ANO3: variants seen among roughly 807,000 people sequenced by gnomAD.
The protein encoded by ANO3 is anoctamin-3.
In ANO3, 99 loss-of-function variants were observed where a neutral mutation model predicts 144.8. That is an observed-to-expected ratio of 0.68 (90% confidence interval 0.58 to 0.81). The LOEUF is 0.81. Ranked by LOEUF, ANO3 falls within the 30% of genes least tolerant of loss-of-function variation. The probability of loss-of-function intolerance (pLI) is 0.00; values close to 1 mark genes in which losing one functional copy is unlikely to be tolerated. For missense variants in ANO3, 905 were observed against 1,202.2 expected, an observed-to-expected ratio of 0.75 and a Z score of 3.66; for synonymous variants, 414 against 392.6, an observed-to-expected ratio of 1.05 and a Z score of -0.64.
chr11:26,206,881 G>C (rs66613374), intron 1 of ANO3, among the ~76,000 whole-genome samples: 45,802 of 151,886 alleles, frequency 0.3, 7,602 homozygotes, highest in Non-Finnish European at 0.37. Flanking sequence ...AATAAGTCAA[G>C]TTAATAGGAA....
chr11:26,493,181 T>A (rs1860782940), intron 4 of ANO3, among the ~76,000 whole-genome samples: 1 of 152,200 alleles, frequency 6.6e-6, no homozygotes, highest in Admixed American at 6.5e-5. Flanking sequence ...TATATATGCC[T>A]CTTGTCCCTT....
chr11:26,349,551 G>GT (rs920113137), intron 1 of ANO3, among the ~76,000 whole-genome samples: 18 of 151,792 alleles, frequency 1.2e-4, no homozygotes, highest in African/African-American at 2.9e-4. Flanking sequence ...GTTTGTTTTT[G>GT]TTTTTTTGTT....
chr11:26,327,355 T>C (rs1388797253), upstream of ANO3, among the ~76,000 whole-genome samples: 2 of 152,194 alleles, frequency 1.3e-5, no homozygotes, highest in Non-Finnish European at 2.9e-5. Flanking sequence ...CATTAAGTGA[T>C]GTTATTCATG....
chr11:26,372,921 T>C (rs1053177947), intron 1 of ANO3, among the ~76,000 whole-genome samples: 10 of 152,090 alleles, frequency 6.6e-5, no homozygotes, highest in African/African-American at 2.4e-4. Flanking sequence ...AAAAGCAGTA[T>C]GTTTGTTATA....
chr11:26,639,094 C>T (rs1401848576), intron 20 of ANO3, 50 bp from the exon 21 acceptor site: 3 of 1,261,980 alleles, frequency 2.4e-6, no homozygotes, highest in Non-Finnish European at 3.5e-6. Context: ...CATGTCTGAG[C>T]CTACTGGGAA....
Position 26,598,404 on chromosome 11 carries a change from T to A in ANO3, c.1487T>A (p.Ile496Lys). 6.3e-7 allele frequency: 1 copy of A among 1,589,874 alleles called. No homozygotes were observed. Among genetic ancestry groups the A allele is most frequent in the Non-Finnish European group, 8.6e-7 (1 of 1,169,350 alleles). ...FLEFWKRRRS[I>K]LTYTWDLIEW... is the part of the protein sequence containing the mutation. ...GAGTTTTGGAAAAGGAGAAGGAGTA[T>A]ACTGACCTATACTTGGGACCTTATC... The change falls in exon 15 of 27, where the codon ATA becomes AAA. Residue 496 changes from isoleucine to lysine, a missense_variant. Physicochemically the swap from Ile to Lys is moderately radical, Grantham distance 102 (BLOSUM62 -3). Around this residue, in one of 4 missense-constraint regions of ANO3, gnomAD observed 597 missense variants for 865.1 expected, o/e 0.69. Transcript: ENST00000256737.
At chr11:26,408,530 C>G (rs1324617542) in intron 1 of ANO3, among the ~76,000 whole-genome samples, 4 of 148,058 alleles carry the variant, frequency 2.7e-5, no homozygotes, top group Admixed American at 2.0e-4. Context: ...GTTGGTGGGA[C>G]TGTAAACTAG....
At chr11:26,583,149 G>A (rs964788325) in intron 14 of ANO3, among the ~76,000 whole-genome samples, 1 of 152,146 alleles carries the variant, frequency 6.6e-6, no homozygotes, top group African/African-American at 2.4e-5. Context: ...CTGCTTCCAA[G>A]TTAAGAGTCT....
At chr11:26,435,206 C>G (rs943287223) in intron 1 of ANO3, among the ~76,000 whole-genome samples, 2 of 152,050 alleles carry the variant, frequency 1.3e-5, no homozygotes, top group Non-Finnish European at 2.9e-5. Context: ...ATATGAAATG[C>G]TTGGTTGAAG....
chr11:26,367,002 G>A (rs1185166617), intron 1 of ANO3, among the ~76,000 whole-genome samples: 1 of 152,082 alleles, frequency 6.6e-6, no homozygotes, highest in Non-Finnish European at 1.5e-5. Context: ...AACAAGAAAT[G>A]GGGAAAGGAT....
At chr11:26,636,320 A>G (rs1852956388) in intron 20 of ANO3, among the ~76,000 whole-genome samples, 1 of 152,234 alleles carries the variant, frequency 6.6e-6, no homozygotes, top group Admixed American at 6.5e-5. Flanking sequence ...CAAAATTTAA[A>G]AAGTGCTATG....
intron 1 of ANO3, among the ~76,000 whole-genome samples, chr11:26,428,510 G>A (rs541485000): frequency 7.2e-5 from 11 of 152,126 alleles, no homozygotes; most frequent in Admixed American, 1.3e-4. Context: ...GGAAATTCAA[G>A]GAAAGAAAAT....
At chr11:26,214,404 T>G (rs1851996672) in intron 1 of ANO3, among the ~76,000 whole-genome samples, 1 of 151,916 alleles carries the variant, frequency 6.6e-6, no homozygotes, top group African/African-American at 2.4e-5. Context: ...GAACTAGGGT[T>G]GGATTTTAGC....
At chr11:26,517,968 C>G (rs571244934) in intron 6 of ANO3, among the ~76,000 whole-genome samples, 249 of 151,970 alleles carry the variant, frequency 1.6e-3, no homozygotes, top group African/African-American at 5.7e-3. Context: ...GAATTAAACA[C>G]CTAAATTAGC....
chr11:26,325,331 T>G (rs1034793348), intron 1 of ANO3, among the ~76,000 whole-genome samples: 8 of 152,152 alleles, frequency 5.3e-5, no homozygotes, highest in Non-Finnish European at 8.8e-5. Flanking sequence ...TTAACTATAC[T>G]GAAAAGAAAA....
intron 1 of ANO3, among the ~76,000 whole-genome samples, chr11:26,234,395 C>A (rs908526126): frequency 6.6e-6 from 1 of 152,150 alleles, no homozygotes; most frequent in Non-Finnish European, 1.5e-5. Flanking sequence ...AACATTTAGG[C>A]ACAAATTGCG....
chr11:26,637,001 G>A (rs4582926), intron 20 of ANO3, among the ~76,000 whole-genome samples: 130,436 of 152,176 alleles, frequency 0.86, 56,557 homozygotes, highest in Non-Finnish European at 0.93. Context: ...ATATGATTTG[G>A]GTGGTGCAAT....
chr11:26,487,442 A>G (rs189536127), intron 4 of ANO3, among the ~76,000 whole-genome samples: 38 of 152,276 alleles, frequency 2.5e-4, no homozygotes, highest in Admixed American at 9.8e-4. Flanking sequence ...GCAGTTCGAA[A>G]ATGTACAAAT....
intron 1 of ANO3, among the ~76,000 whole-genome samples, chr11:26,197,263 A>G (rs1169415312): frequency 6.6e-6 from 1 of 152,074 alleles, no homozygotes; most frequent in Non-Finnish European, 1.5e-5. Context: ...AACAAAAAAG[A>G]TCCTACATGA....
Sources: gnomAD v4.1 joint callset for allele counts (sites outside exome capture counted in the v4.1 genomes callset) on GRCh38, gnomAD v4.1.1 for gene constraint, gnomAD v4.1.1 regional missense constraint, MANE v1.5 for transcripts, NCBI Gene and HGNC (gene_info 2026-07-23, HGNC 2026-07-21) for gene names.